The following PCDHGA8 variants were observed in gnomAD, a reference collection of about 807,000 sequenced individuals.
PCDHGA8 encodes the protein protocadherin gamma subfamily A, 8, also known as protocadherin gamma-A8.
PCDHGA8 carries 45 observed loss-of-function variants against 59.2 expected under a neutral mutation model. That is an observed-to-expected ratio of 0.76 (90% CI 0.60 to 0.98). The LOEUF (loss-of-function observed/expected upper bound fraction) is 0.98, where lower values mean the gene tolerates loss of function less well. PCDHGA8 is among the 50% of genes least tolerant of loss of function. The pLI, the probability that PCDHGA8 is intolerant of heterozygous loss-of-function variation, is 0.00. For synonymous variants in PCDHGA8, 531 were observed against 519.0 expected (o/e 1.02, Z -0.32); for missense variants, 1,257 against 1,196.2 (o/e 1.05, Z -0.75).
intron 1 of PCDHGA8, among the ~76,000 whole-genome samples, chr5:141,447,375 T>C (rs1431576261): frequency 6.6e-6 from 1 of 152,030 alleles, no homozygotes; most frequent in African/African-American, 2.4e-5. Context: ...CTGACCCTGG[T>C]GATCTGCCCA....
At chr5:141,415,132 C>T (rs752622569) in intron 1 of PCDHGA8, 4 of 1,613,696 alleles carry the variant, frequency 2.5e-6, no homozygotes, top group Non-Finnish European at 3.4e-6. Flanking sequence ...CGTCCAGGAC[C>T]ACGGCCAGCC....
rs748223478 is a variant in PCDHGA8 at position 141,415,687 on chromosome 5, G to T, written c.2424+20450G>T. ...TTACTTTGAAGTTTGCGGCATGATG[G>T]TGGAAAGTGTAAATGCTAAAACACT... On this transcript the variant is annotated intron_variant, in intron 1 of 3. Coordinates refer to ENST00000398604, the MANE Select transcript of PCDHGA8 (RefSeq NM_032088.2). 1.1e-5 allele frequency: 17 copies of T among 1,535,300 alleles called. No individual in the cohort carries two copies. In the South Asian group the frequency reaches 1.3e-4, roughly 12 times the overall value.
chr5:141,478,210 A>G, intron 1 of PCDHGA8: 1 of 1,614,064 alleles, frequency 6.2e-7, no homozygotes, highest in East Asian at 2.2e-5. Flanking sequence ...TTCTTTCTCT[A>G]ATCCTGGTTT....
chr5:141,404,334 T>G (rs1201635505), intron 1 of PCDHGA8: 2 of 1,613,882 alleles, frequency 1.2e-6, no homozygotes, highest in Non-Finnish European at 1.7e-6. Flanking sequence ...TCAGTCTACC[T>G]CCCGGAAAAC....
In PCDHGA8 at chr5:141,476,291, G is replaced by T. The variant is rs1385060012; in HGVS notation, c.2425-18516G>T. The stretch of plus-strand genomic sequence containing the variant: ...GGTCGCGAACCTTGGTTTGGATCTC[G>T]GTAGCCTCTCAGCCCGCAGGTTCCG... On this transcript the variant is annotated intron_variant, in intron 1 of 3. Coordinates refer to ENST00000398604, the MANE Select transcript of PCDHGA8 (RefSeq NM_032088.2). This position sits in a 1 kb window ranked among gnomAD's most constrained non-coding sequence, Gnocchi z 7.6. 4 of 1,614,128 alleles carry T rather than the reference G, an allele frequency of 2.5e-6. No homozygotes were observed. Among genetic ancestry groups the T allele is most frequent in the South Asian group, 1.1e-5 (1 of 91,072 alleles).
chr5:141,492,558 G>A (rs879634396), intron 1 of PCDHGA8, among the ~76,000 whole-genome samples: 1 of 152,236 alleles, frequency 6.6e-6, no homozygotes, highest in South Asian at 2.1e-4. Context: ...CGCCTGGGGG[G>A]CGGCCTGAGC....
Position 141,490,083 on chromosome 5 carries a change from T to G in PCDHGA8, c.2425-4724T>G. Reference sequence around the variant, plus strand: ...CCAACGGCCAACTAGACTATTCTTTTGGAGACCACACATCTGAGGCAGTGC... The same window carrying G: ...CCAACGGCCAACTAGACTATTCTTTGGGAGACCACACATCTGAGGCAGTGC... On this transcript the variant is annotated intron_variant, in intron 1 of 3. Coordinates refer to ENST00000398604, the MANE Select transcript of PCDHGA8 (RefSeq NM_032088.2). This position sits in a 1 kb window ranked among gnomAD's most constrained non-coding sequence, Gnocchi z 5.4. 1.2e-6 allele frequency: 2 copies of G among 1,614,262 alleles called. No individual in the cohort carries two copies. The highest frequency in any genetic ancestry group is 1.7e-6 in the Non-Finnish European group (2 of 1,180,054).
chr5:141,472,200 C>A (rs2099274166), intron 1 of PCDHGA8, among the ~76,000 whole-genome samples: 1 of 152,110 alleles, frequency 6.6e-6, no homozygotes, highest in Non-Finnish European at 1.5e-5. Flanking sequence ...ATCTTTTTGA[C>A]ACTAAGACCT....
chr5:141,500,645 A>C (rs2099801792), intron 2 of PCDHGA8, among the ~76,000 whole-genome samples: 1 of 152,228 alleles, frequency 6.6e-6, no homozygotes, highest in African/African-American at 2.4e-5. Flanking sequence ...GTTTTTTAAA[A>C]ATAGCAACTG....
chr5:141,395,123 TC>T lies in PCDHGA8; in HGVS notation c.2314del (p.Gln772SerfsTer21). 6.2e-7 allele frequency: 1 copy of T among 1,614,148 alleles called. No homozygotes were observed. Among genetic ancestry groups the T allele is most frequent in the Non-Finnish European group, 8.5e-7 (1 of 1,180,032 alleles). ...ACTCGCGGAAGAGTCACCTGATCTT[TC>T]CCCAGCCCAACTACGCAGACATGCT... ...ADSRKSHLIF[P>X]QPNYADMLIS... is the part of the protein sequence containing the mutation. On this transcript the variant is annotated frameshift_variant, in exon 1 of 4. Transcript: ENST00000398604. LOFTEE classifies it high-confidence loss of function.
intron 1 of PCDHGA8, chr5:141,398,027 T>G: frequency 6.9e-7 from 1 of 1,449,556 alleles, no homozygotes; most frequent in Non-Finnish European, 9.2e-7. Context: ...AAACTGGAAC[T>G]GGAACTAAAG....
chr5:141,421,750 C>A lies in PCDHGA8; in HGVS notation c.2424+26513C>A, dbSNP rs766529731. On this transcript the variant is annotated intron_variant, in intron 1 of 3. Coordinates refer to ENST00000398604, the MANE Select transcript of PCDHGA8 (RefSeq NM_032088.2). ...CTCCCTCCAGAGCTACCAGCTCAGC[C>A]CTAATAATTACTTTTCCTTGCAACT... 4.3e-6 allele frequency: 7 copies of A among 1,613,788 alleles called. No individual in the cohort carries two copies. Among genetic ancestry groups the A allele is most frequent in the Non-Finnish European group, 5.9e-6 (7 of 1,179,864 alleles).
chr5:141,460,454 T>A (rs1010186960), intron 1 of PCDHGA8, among the ~76,000 whole-genome samples: 6 of 152,194 alleles, frequency 3.9e-5, no homozygotes, highest in Admixed American at 3.3e-4. Flanking sequence ...TGAAGATTCA[T>A]ATTTTTTTCC....
In PCDHGA8 at chr5:141,432,627, C is replaced by G. The variant is rs886117102; in HGVS notation, c.2424+37390C>G. On this transcript the variant is annotated intron_variant, in intron 1 of 3. Transcript: ENST00000398604. This position sits in a 1 kb window ranked among gnomAD's most constrained non-coding sequence, Gnocchi z 6.0. The stretch of plus-strand genomic sequence containing the variant: ...GGACTCTTCTCGGTGGGTCTGCACA[C>G]GGGCGAGGTGCGCACGGCGCGAGCC... The G allele has an allele frequency of 1.2e-6, 2 of 1,613,652 alleles. No individual in the cohort carries two copies. The highest frequency in any genetic ancestry group is 2.7e-5 in the African/African-American group (2 of 74,886).
intron 1 of PCDHGA8, chr5:141,395,735 A>T (rs1226671096): frequency 6.5e-6 from 1 of 153,508 alleles, no homozygotes; most frequent in East Asian, 1.9e-4. Context: ...TCTTCACTTT[A>T]AACCTCTTTT....
intron 1 of PCDHGA8, among the ~76,000 whole-genome samples, chr5:141,457,015 A>T (rs1216403373): frequency 6.6e-6 from 1 of 152,182 alleles, no homozygotes; most frequent in Admixed American, 6.5e-5. Context: ...AATCCAATAA[A>T]AAGTCCTAGT....
rs2099612736 is a variant in PCDHGA8 at position 141,485,393 on chromosome 5, C to T, written c.2425-9414C>T. The T allele has an allele frequency of 6.2e-7, 1 of 1,614,154 alleles. No homozygotes were observed. The highest frequency in any genetic ancestry group is 1.7e-5 in the Admixed American group (1 of 60,020). ...GGTCGCTGGAGAGGTGAACCAAAGA[C>T]ACTTCCGTGTGGATTTGGACAGCGG... On this transcript the variant is annotated intron_variant, in intron 1 of 3. Coordinates refer to ENST00000398604, the MANE Select transcript of PCDHGA8 (RefSeq NM_032088.2). The surrounding 1 kb of genome is among the most constrained non-coding windows in gnomAD (Gnocchi z 5.7).
In PCDHGA8 at chr5:141,500,938, G is replaced by A. The variant is rs1317178701; in HGVS notation, c.2484-4455G>A. On this transcript the variant is annotated intron_variant, in intron 2 of 3. Transcript: ENST00000398604. Reference sequence around the variant, plus strand: ...GGCTGGGGTGCAGTGGCGCCATCTCGGCTCACTGCAAGCTCCACCTCCTGG... The same window carrying A: ...GGCTGGGGTGCAGTGGCGCCATCTCAGCTCACTGCAAGCTCCACCTCCTGG... 2.6e-5 allele frequency among the ~76,000 whole-genome samples: 4 copies of A among 151,060 alleles called. No homozygotes were observed. The East Asian group carries it at 5.8e-4, about 22-fold the overall frequency.
At chr5:141,419,265 C>T in intron 1 of PCDHGA8, 1 of 1,614,040 alleles carries the variant, frequency 6.2e-7, no homozygotes, top group Non-Finnish European at 8.5e-7. Flanking sequence ...CAGCCGGGTG[C>T]CTCCATAGCG....
Sources: gnomAD v4.1 joint callset for allele counts (sites outside exome capture counted in the v4.1 genomes callset) on GRCh38, gnomAD v4.1.1 for gene constraint, Gnocchi (gnomAD v3.1) non-coding constraint, MANE v1.5 for transcripts, NCBI Gene and HGNC (gene_info 2026-07-23, HGNC 2026-07-21) for gene names.